The following NSG1 variants were observed in gnomAD, a reference collection of about 807,000 sequenced individuals.
NSG1 encodes the protein neuronal vesicle trafficking-associated protein 1.
In NSG1, 9 loss-of-function variants were observed where a neutral mutation model predicts 19.3. The ratio of observed to expected loss-of-function variants is 0.47; its 90% CI spans 0.28 to 0.81. The LOEUF is 0.81. Among genes scored for constraint, NSG1 ranks in the 40% least tolerant of loss-of-function variants. The pLI is 0.11. For synonymous variants in NSG1, 104 were observed against 107.0 expected (o/e 0.97, Z 0.17); for missense variants, 236 against 242.4 (o/e 0.97, Z 0.18).
chr4:4,406,550 G>A (rs1034530283), intron 3 of NSG1, among the ~76,000 whole-genome samples: 10 of 152,196 alleles, frequency 6.6e-5, no homozygotes, highest in Admixed American at 6.5e-4. Context: ...GTGAACATGC[G>A]ACGGGGCAGC....
At chr4:4,414,214 G>GTCT (rs1724390990) in intron 4 of NSG1, among the ~76,000 whole-genome samples, 1 of 151,742 alleles carries the variant, frequency 6.6e-6, no homozygotes, top group Non-Finnish European at 1.5e-5. Context: ...ACCTGGCCTG[G>GTCT]GTGGGAGATG....
intron 3 of NSG1, among the ~76,000 whole-genome samples, chr4:4,403,310 C>T (rs1723669269): frequency 6.6e-6 from 1 of 152,198 alleles, no homozygotes; most frequent in Non-Finnish European, 1.5e-5. Flanking sequence ...AGTTTCATTG[C>T]ACCAAAATCA....
chr4:4,386,636 AC>A, upstream of NSG1: 1 of 151,562 alleles, frequency 6.6e-6, no homozygotes, highest in Non-Finnish European at 1.5e-5. Context: ...CGTCCTCAGG[AC>A]CCCCAGGTGA....
intron 3 of NSG1, among the ~76,000 whole-genome samples, chr4:4,393,236 A>G (rs1723088824): frequency 6.6e-6 from 1 of 152,216 alleles, no homozygotes; most frequent in South Asian, 2.1e-4. Context: ...AGCAGGGCGC[A>G]GTGCGGCACT....
At chr4:4,403,693 A>G (rs771843234) in intron 3 of NSG1, among the ~76,000 whole-genome samples, 10 of 152,234 alleles carry the variant, frequency 6.6e-5, no homozygotes, top group Non-Finnish European at 1.3e-4. Context: ...AACGACAGCC[A>G]GTTTGCCTGG....
At chr4:4,393,403 G>T (rs950550911) in intron 3 of NSG1, among the ~76,000 whole-genome samples, 1 of 152,208 alleles carries the variant, frequency 6.6e-6, no homozygotes, top group Non-Finnish European at 1.5e-5. Flanking sequence ...TGCCACCAGG[G>T]CCCTTGGCAG....
intron 4 of NSG1, among the ~76,000 whole-genome samples, chr4:4,415,462 C>T (rs576201393): frequency 6.1e-4 from 93 of 152,190 alleles, no homozygotes; most frequent in Admixed American, 2.8e-3. Context: ...GTATGGGGGG[C>T]GGCAGGAGCC....
intron 4 of NSG1, among the ~76,000 whole-genome samples, chr4:4,411,766 A>ACACAACACAACACAACACAACACAAC (rs1560147679): frequency 1.7e-4 from 19 of 112,194 alleles, no homozygotes; most frequent in African/African-American, 1.2e-3. Context: ...AACAAAACAA[A>ACACAACACAACACAACACAACACAAC]ACAAAACAAA....
chr4:4,411,771 A>ACACAACACAACACAAC (rs1560147702), intron 4 of NSG1, among the ~76,000 whole-genome samples: 2,377 of 118,454 alleles, frequency 0.02, 87 homozygotes, highest in African/African-American at 0.096. Context: ...AACAAAACAA[A>ACACAACACAACACAAC]ACAAAACAAA....
In NSG1 at chr4:4,399,184, C is replaced by T. The variant is rs145838239; in HGVS notation, c.246+7593C>T. ...TTGAGACAGGGTCTCACTCTGTCGC[C>T]GAGGCTGGAGTGCAGTGGTGGGATC... is the stretch of plus-strand genomic sequence containing the variant. On this transcript the variant is annotated intron_variant, in intron 3 of 4. Transcript: ENST00000621129. Among the ~76,000 whole-genome samples the T allele has an allele frequency of 2.0e-4, 31 of 152,196 alleles. No homozygotes were observed. In the East Asian group the frequency reaches 5.4e-3, roughly 27 times the overall value.
intron 1 of NSG1, 75 bp from the exon 2 acceptor site, chr4:4,387,529 G>T (rs1722787743): frequency 2.0e-6 from 2 of 1,020,140 alleles, no homozygotes; most frequent in Admixed American, 2.4e-5. Flanking sequence ...ACGCCGGTGG[G>T]TGTGGGTGCC....
In NSG1 at chr4:4,417,458, A is replaced by G. The variant is rs373989578; in HGVS notation, c.*23A>G. 3.1e-6 allele frequency: 5 copies of G among 1,604,210 alleles called. No individual in the cohort carries two copies. The African/African-American group carries it at 4.0e-5, about 13-fold the overall frequency. On this transcript the variant is annotated 3_prime_UTR_variant, in exon 5 of 5. Coordinates refer to ENST00000621129, the MANE Select transcript of NSG1 (RefSeq NM_014392.5). Reference sequence around the variant, plus strand: ...TAGCGGGATGGGCAAGTTCCTTACAATGTGTCACTTGCAAATAACAAAGGG... The same window carrying G: ...TAGCGGGATGGGCAAGTTCCTTACAGTGTGTCACTTGCAAATAACAAAGGG...
chr4:4,387,760 TAAGCCCCCCC>T lies in NSG1; in HGVS notation c.129+4_129+13del. 6.3e-7 allele frequency: 1 copy of T among 1,583,936 alleles called. No homozygotes were observed. The highest frequency in any genetic ancestry group is 8.7e-7 in the Non-Finnish European group (1 of 1,153,516). On this transcript the variant is annotated splice_donor_5th_base_variant and intron_variant, in intron 2 of 4. Coordinates refer to ENST00000621129, the MANE Select transcript of NSG1 (RefSeq NM_014392.5). Reference sequence around the variant, plus strand: ...CTGCAGTTCCCGCCCCCGGATAAGGTAAGCCCCCCCACGCCCCTCCACGTTGCCGGGTGTG... The same window carrying T: ...CTGCAGTTCCCGCCCCCGGATAAGGTACGCCCCTCCACGTTGCCGGGTGTG...
Position 4,402,686 on chromosome 4 carries a change from C to A in NSG1, c.247-6887C>A, listed in dbSNP as rs1418501860. ...GACAGGCCTGAGCCATGGTGCCCGG[C>A]CTTTCTCCTTTGATTTTGAAACAAA... On this transcript the variant is annotated intron_variant, in intron 3 of 4. Coordinates refer to ENST00000621129, the MANE Select transcript of NSG1 (RefSeq NM_014392.5). Among the ~76,000 whole-genome samples, 4 of 152,210 alleles carry A rather than the reference C, an allele frequency of 2.6e-5. No individual in the cohort carries two copies. The East Asian group carries it at 7.7e-4, about 29-fold the overall frequency.
At chr4:4,409,748 C>A in intron 4 of NSG1, 65 bp downstream of exon 4, 1 of 1,268,414 alleles carries the variant, frequency 7.9e-7, no homozygotes, top group Non-Finnish European at 1.2e-6. Flanking sequence ...CTCCCTTGAA[C>A]TCAAGGCTGC....
intron 3 of NSG1, among the ~76,000 whole-genome samples, 197 bp from the exon 4 acceptor site, chr4:4,409,376 G>A (rs953536873): frequency 3.9e-5 from 6 of 152,230 alleles, no homozygotes; most frequent in African/African-American, 1.4e-4. Flanking sequence ...TGAATATGGT[G>A]AAAAATTAAA....
At chr4:4,413,235 A>G (rs1414276251) in intron 4 of NSG1, among the ~76,000 whole-genome samples, 1 of 151,920 alleles carries the variant, frequency 6.6e-6, no homozygotes, top group Admixed American at 6.6e-5. Context: ...ATAGACAGAC[A>G]GGAAAGAGGG....
rs1054359144 is a variant in NSG1 at position 4,413,627 on chromosome 4, G to A, written c.358-3608G>A. Among the ~76,000 whole-genome samples the A allele has an allele frequency of 6.6e-5, 10 of 151,666 alleles. No homozygotes were observed. The South Asian group carries it at 1.3e-3, about 19-fold the overall frequency. On this transcript the variant is annotated intron_variant, in intron 4 of 4. Coordinates refer to ENST00000621129, the MANE Select transcript of NSG1 (RefSeq NM_014392.5). ...GCTGGTGGGGGTGTGCTGGTGGGGG[G>A]CTAGCCACAGGCACAGGGAGGCGGC...
Position 4,398,449 on chromosome 4 carries a change from C to G in NSG1, c.246+6858C>G, listed in dbSNP as rs1038227918. 3.3e-5 allele frequency among the ~76,000 whole-genome samples: 5 copies of G among 152,078 alleles called. 1 individual carries two copies. Among genetic ancestry groups the G allele is most frequent in the East Asian group, 1.9e-4 (1 of 5,194 alleles). On this transcript the variant is annotated intron_variant, in intron 3 of 4. Transcript: ENST00000621129. ...CCATTAAGCAGTCACTCCCATGCCC[C>G]CCCCCACAGCCCCTGGTTAGCCACA...
Sources: gnomAD v4.1 joint callset for allele counts (sites outside exome capture counted in the v4.1 genomes callset) on GRCh38, gnomAD v4.1.1 for gene constraint, MANE v1.5 for transcripts, NCBI Gene and HGNC (gene_info 2026-07-23, HGNC 2026-07-21) for gene names.